The following MTUS2 variants were observed in gnomAD, a reference collection of about 807,000 sequenced individuals.
The protein encoded by MTUS2 is microtubule associated scaffold protein 2, also known as microtubule-associated tumor suppressor candidate 2.
In MTUS2, 40 loss-of-function variants were observed where a neutral mutation model predicts 114.1. That is an observed-to-expected ratio of 0.35 (90% CI 0.27 to 0.46). The LOEUF (loss-of-function observed/expected upper bound fraction) is 0.46, where lower values mean the gene tolerates loss of function less well. Among genes scored for constraint, MTUS2 ranks in the 20% least tolerant of loss-of-function variants. The pLI is 1.00. For synonymous variants in MTUS2, 688 were observed against 672.0 expected, an observed-to-expected ratio of 1.02 and a Z score of -0.37; for missense variants, 1,679 against 1,705.4, an observed-to-expected ratio of 0.98 and a Z score of 0.27.
At chr13:28,976,253 T>C (rs1489325967) in intron 2 of MTUS2, among the ~76,000 whole-genome samples, 1 of 100,846 alleles carries the variant, frequency 9.9e-6, no homozygotes, top group Non-Finnish European at 2.2e-5. Flanking sequence ...ATTAGAGAAA[T>C]AAGATGGGAG....
chr13:28,896,034 A>G (rs950877116), intron 2 of MTUS2, among the ~76,000 whole-genome samples: 1 of 152,204 alleles, frequency 6.6e-6, no homozygotes, highest in Non-Finnish European at 1.5e-5. Flanking sequence ...AAGAAAACAT[A>G]ATTAACATTT....
intron 8 of MTUS2, among the ~76,000 whole-genome samples, chr13:29,394,169 A>G (rs1187023926): frequency 6.6e-6 from 1 of 152,128 alleles, no homozygotes; most frequent in Admixed American, 6.5e-5. Flanking sequence ...TCTGAGCCAA[A>G]TATGTGTGAC....
intron 2 of MTUS2, among the ~76,000 whole-genome samples, chr13:28,886,671 C>G (rs906837025): frequency 6.6e-6 from 1 of 152,144 alleles, no homozygotes; most frequent in Non-Finnish European, 1.5e-5. Flanking sequence ...CATGGTAGCA[C>G]TTTTGAGCAG....
chr13:29,185,901 A>G (rs1222448904), intron 5 of MTUS2, among the ~76,000 whole-genome samples: 1 of 152,142 alleles, frequency 6.6e-6, no homozygotes, highest in African/African-American at 2.4e-5. Flanking sequence ...GAAGTTGAAT[A>G]AAAAGGACAT....
chr13:29,297,787 C>T (rs1189235900), intron 6 of MTUS2, among the ~76,000 whole-genome samples: 2 of 152,248 alleles, frequency 1.3e-5, no homozygotes, highest in African/African-American at 2.4e-5. Context: ...ATATTGATTT[C>T]CTGTAAGTTC....
At chr13:29,348,047 A>G (rs1157930808) in intron 7 of MTUS2, among the ~76,000 whole-genome samples, 2 of 151,096 alleles carry the variant, frequency 1.3e-5, no homozygotes, top group Non-Finnish European at 3.0e-5. Flanking sequence ...AAGCCCTCTG[A>G]ATCCTATACT....
At chr13:28,976,106 A>G (rs756482486) in intron 2 of MTUS2, among the ~76,000 whole-genome samples, 1 of 145,520 alleles carries the variant, frequency 6.9e-6, no homozygotes, top group Non-Finnish European at 1.5e-5. Flanking sequence ...CAGGAGGCTG[A>G]GGTGAGAGGA....
rs747315499 is a variant in MTUS2, at chr13:29,498,404, C to CAA, written c.3679-14_3679-13insAA. ...GAATCCTGGTCAACAGCTCATGGCT[C>CAA]TCTGCCTCTGTAGATTGCATTGGCT... is the stretch of plus-strand genomic sequence containing the variant. On this transcript the variant is annotated splice_polypyrimidine_tract_variant and intron_variant, in intron 13 of 15. Coordinates refer to ENST00000612955, the MANE Select transcript of MTUS2 (RefSeq NM_001033602.4). The CAA allele has an allele frequency of 1.2e-6, 2 of 1,613,626 alleles. No individual in the cohort carries two copies. Among genetic ancestry groups the CAA allele is most frequent in the Non-Finnish European group, 1.7e-6 (2 of 1,179,596 alleles).
intron 6 of MTUS2, among the ~76,000 whole-genome samples, chr13:29,302,877 G>A (rs577951728): frequency 7.2e-5 from 11 of 152,178 alleles, no homozygotes; most frequent in Non-Finnish European, 1.3e-4. Flanking sequence ...TGGGGTCTCT[G>A]GCCACCTCCT....
chr13:29,035,863 G>A (rs1016753253), intron 4 of MTUS2, among the ~76,000 whole-genome samples: 3 of 152,052 alleles, frequency 2.0e-5, no homozygotes, highest in African/African-American at 7.2e-5. Context: ...AGAAAAACCA[G>A]GCTTGGCGTG....
intron 4 of MTUS2, 85 bp from the exon 5 acceptor site, chr13:29,100,688 C>G (rs1593476173): frequency 7.0e-7 from 1 of 1,422,464 alleles, no homozygotes; most frequent in Non-Finnish European, 9.6e-7. Context: ...TATGATAGAA[C>G]TGGGTTCGAA....
intron 2 of MTUS2, among the ~76,000 whole-genome samples, chr13:28,873,717 T>C (rs949906085): frequency 7.2e-5 from 11 of 152,204 alleles, no homozygotes; most frequent in Non-Finnish European, 1.5e-4. Context: ...ACTCCTAGAA[T>C]CACATGCATT....
intron 2 of MTUS2, among the ~76,000 whole-genome samples, chr13:28,959,233 A>G (rs1883209858): frequency 6.6e-6 from 1 of 152,220 alleles, no homozygotes; most frequent in Non-Finnish European, 1.5e-5. Context: ...ACTCCAGCTG[A>G]ACACCACGGA....
chr13:29,444,737 C>A (rs192838256), intron 9 of MTUS2, among the ~76,000 whole-genome samples: 15 of 146,496 alleles, frequency 1.0e-4, no homozygotes, highest in Admixed American at 9.5e-4. Flanking sequence ...GGGCCCTGGG[C>A]AGCAAGGCAG....
At chr13:29,035,204 C>T (rs951187393) in intron 4 of MTUS2, among the ~76,000 whole-genome samples, 2 of 152,186 alleles carry the variant, frequency 1.3e-5, no homozygotes, top group African/African-American at 2.4e-5. Context: ...AACACTTTTC[C>T]TTGGGTTTGT....
chr13:29,022,038 C>T (rs907227982), intron 2 of MTUS2, among the ~76,000 whole-genome samples: 9 of 152,088 alleles, frequency 5.9e-5, no homozygotes, highest in South Asian at 4.2e-4. Flanking sequence ...CAGTGTGGTA[C>T]GGAAATGCAA....
chr13:28,934,618 G>A (rs917843097), intron 2 of MTUS2, among the ~76,000 whole-genome samples: 3 of 152,104 alleles, frequency 2.0e-5, no homozygotes, highest in Admixed American at 6.5e-5. Context: ...TCCCCTCCCG[G>A]GTTCAAGCGA....
chr13:29,325,470 AGAAAAG>A (rs1467319650), intron 7 of MTUS2, among the ~76,000 whole-genome samples: 1 of 102,370 alleles, frequency 9.8e-6, no homozygotes. Flanking sequence ...AAAAAAAAAA[AGAAAAG>A]AAGAAGAGGA....
In MTUS2 at chr13:29,452,574, A is replaced by ATGTGTG. The variant is rs56367128; in HGVS notation, c.3184+12553_3184+12558dup. Among the ~76,000 whole-genome samples the ATGTGTG allele has an allele frequency of 4.2e-3, 544 of 130,276 alleles. 1 individual carries two copies. The highest frequency in any genetic ancestry group is 0.016 in the African/African-American group (514 of 32,756). The allele number at this position is 130,276 out of a possible 152,430, so 85.5% of individuals were successfully genotyped here. On this transcript the variant is annotated intron_variant, in intron 9 of 15. Coordinates refer to ENST00000612955, the MANE Select transcript of MTUS2 (RefSeq NM_001033602.4). ...CCCAACTGTGTATATATATATATAT[A>ATGTGTG]TGTGTGTGTGTGTGTGTGTGTGTGT...
Sources: allele counts gnomAD v4.1 joint callset (sites outside exome capture counted in the v4.1 genomes callset), GRCh38; gene constraint gnomAD v4.1.1; transcripts MANE v1.5; gene names NCBI Gene and HGNC (gene_info 2026-07-23, HGNC 2026-07-21).